The following GIN1 variants were observed in gnomAD, a reference collection of about 807,000 sequenced individuals.
GIN1 encodes the protein gypsy retrotransposon integrase 1.
A neutral mutation model predicts 51.4 loss-of-function variants in GIN1; 41 were observed. The ratio of observed to expected loss-of-function variants is 0.80; its 90% CI spans 0.62 to 1.04. GIN1 has a LOEUF of 1.04. Ranked by LOEUF, GIN1 falls within the 50% of genes least tolerant of loss-of-function variation. The pLI is 0.00. For missense variants in GIN1, 610 were observed against 612.4 expected (o/e 1.00, Z 0.04); for synonymous variants, 222 against 206.5 (o/e 1.07, Z -0.64).
intron 7 of GIN1, among the ~76,000 whole-genome samples, chr5:103,091,518 C>T (rs1787236905): frequency 6.6e-6 from 1 of 152,120 alleles, no homozygotes; most frequent in South Asian, 2.1e-4. Flanking sequence ...TTTTCTCATT[C>T]CATTAATTTA....
chr5:103,102,841 C>T (rs1010199851), intron 4 of GIN1: 4 of 151,806 alleles, frequency 2.6e-5, no homozygotes, highest in Non-Finnish European at 5.9e-5. Context: ...GACGGTGCCA[C>T]AGCACTCCAG....
Position 103,107,208 on chromosome 5 carries a change from T to C in GIN1, c.140-299A>G, listed in dbSNP as rs537442291. On this transcript the variant is annotated intron_variant, in intron 2 of 7. Coordinates refer to ENST00000399004, the MANE Select transcript of GIN1 (RefSeq NM_017676.2). ...GTACGGAAATATGAAATTATCTCTC[T>C]CTGGGAGTACTCAAAGTAGGAAGAT... 1.9e-4 allele frequency among the ~76,000 whole-genome samples: 29 copies of C among 152,144 alleles called. No homozygotes were observed. In the South Asian group the frequency reaches 6.0e-3, roughly 32 times the overall value.
intron 7 of GIN1, among the ~76,000 whole-genome samples, chr5:103,089,929 G>A (rs542484546): frequency 1.3e-5 from 2 of 152,204 alleles, no homozygotes; most frequent in African/African-American, 4.8e-5. Context: ...GATGGCATAA[G>A]TGGGCTTGGG....
chr5:103,089,172 G>A (rs1787166125), intron 7 of GIN1, among the ~76,000 whole-genome samples: 1 of 152,112 alleles, frequency 6.6e-6, no homozygotes, highest in Non-Finnish European at 1.5e-5. Context: ...CCTGGTCAGT[G>A]TTTTATTGTA....
intron 7 of GIN1, 129 bp downstream of exon 7, chr5:103,096,412 A>G: frequency 1.4e-6 from 1 of 730,240 alleles, no homozygotes; most frequent in Non-Finnish European, 2.3e-6. Context: ...TGGGATAGCT[A>G]AAACTGTAAC....
In GIN1 at chr5:103,106,771, G is replaced by T. The variant is rs969998277; in HGVS notation, c.278C>A (p.Thr93Asn). Residue 93 changes from threonine (T) to asparagine (N), a missense_variant, in exon 3 of 8, where the codon ACT (threonine) becomes AAT (asparagine). Transcript: ENST00000399004. The part of the protein sequence containing the change: ...GAHHGISRTL[T>N]LVESNYYWTS... ...CCAATAATAATTGGATTCTACCAGAGTGAGGGTCCTGGATATACCATGATG... is the reference window on the plus strand; with the variant it reads ...CCAATAATAATTGGATTCTACCAGATTGAGGGTCCTGGATATACCATGATG... The T allele has an allele frequency of 9.4e-6, 15 of 1,603,952 alleles. No individual in the cohort carries two copies. In the African/African-American group the frequency reaches 1.9e-4, roughly 20 times the overall value.
intron 1 of GIN1, among the ~76,000 whole-genome samples, chr5:103,110,797 T>A (rs549137251): frequency 1.3e-5 from 2 of 152,334 alleles, no homozygotes; most frequent in South Asian, 4.1e-4. Context: ...TATTTTATAG[T>A]CATAATAGCC....
intron 7 of GIN1, among the ~76,000 whole-genome samples, chr5:103,090,136 T>C (rs1554194370): frequency 6.6e-6 from 1 of 151,968 alleles, no homozygotes; most frequent in Non-Finnish European, 1.5e-5. Context: ...TAAAAATACA[T>C]AAATTAGTCA....
rs1554195327 is a variant in GIN1 at position 103,097,829 on chromosome 5, T to C, written c.640-48A>G. On this transcript the variant is annotated intron_variant, in intron 4 of 7. Coordinates refer to ENST00000399004, the MANE Select transcript of GIN1 (RefSeq NM_017676.2). ...GTGGCTTTTTAAAATTTGTGTTTTA[T>C]TTTTCCATTGACTTAAAAAAAAGCT... 9.1e-6 allele frequency: 7 copies of C among 768,764 alleles called. No homozygotes were observed. The South Asian group carries it at 1.3e-4, about 14-fold the overall frequency. 47.6% of individuals were successfully genotyped at this position (768,764 alleles called of 1,614,324 possible).
rs1562339569 is a variant in GIN1, at chr5:103,118,441, G to GA, written c.-8+1622dup. Among the ~76,000 whole-genome samples, 3 of 152,012 alleles carry GA rather than the reference G, an allele frequency of 2.0e-5. No homozygotes were observed. The South Asian group carries it at 6.2e-4, about 32-fold the overall frequency. On this transcript the variant is annotated intron_variant, in intron 1 of 7. Transcript: ENST00000399004. ...CTTTTCCCAAAATCTTCACCTACATGAAAAAATATTTTAAAATCTCTTTCC... is the reference window on the plus strand; with the variant it reads ...CTTTTCCCAAAATCTTCACCTACATGAAAAAAATATTTTAAAATCTCTTTCC...
chr5:103,109,137 T>C (rs1455956732), intron 1 of GIN1, among the ~76,000 whole-genome samples: 5 of 152,168 alleles, frequency 3.3e-5, no homozygotes, highest in African/African-American at 1.2e-4. Context: ...TTTATATTAT[T>C]TCTAAATATA....
At chr5:103,094,168 A>G (rs1787330453) in intron 7 of GIN1, among the ~76,000 whole-genome samples, 1 of 152,146 alleles carries the variant, frequency 6.6e-6, no homozygotes, top group African/African-American at 2.4e-5. Flanking sequence ...TTTCAAATCA[A>G]CTTGTGAGGT....
At chr5:103,105,072 CA>C (rs1554196162) in intron 3 of GIN1, among the ~76,000 whole-genome samples, 2 of 151,388 alleles carry the variant, frequency 1.3e-5, no homozygotes, top group Admixed American at 6.6e-5. Flanking sequence ...CCTCAAACAA[CA>C]TGGGTTTGGA....
chr5:103,096,825 A>G lies in GIN1; in HGVS notation c.1010T>C (p.Met337Thr). The change falls in exon 7 of 8, where the codon ATG (methionine) becomes ACG (threonine). Residue 337 changes from methionine to threonine, a missense_variant and splice_region_variant. Physicochemically the swap from Met to Thr is moderately conservative, Grantham distance 81 (BLOSUM62 -1). Transcript: ENST00000399004. ...MENKTTSLGQ[M>T]ENNNLDELNK... The stretch of plus-strand genomic sequence containing the variant: ...TAGTTCATCCAAATTGTTGTTCTCC[A>G]TCTACAAGTGTAAAAAGAAAAAGAA... The G allele has an allele frequency of 6.4e-7, 1 of 1,570,050 alleles. No individual in the cohort carries two copies. The highest frequency in any genetic ancestry group is 8.7e-7 in the Non-Finnish European group (1 of 1,144,000).
rs1554196595 is a variant in GIN1 at position 103,108,577 on chromosome 5, A to G, written c.131T>C (p.Val44Ala). The G allele has an allele frequency of 5.0e-6, 8 of 1,597,402 alleles. No individual in the cohort carries two copies. Among genetic ancestry groups the G allele is most frequent in the Non-Finnish European group, 6.8e-6 (8 of 1,168,044 alleles). The change falls in exon 2 of 8, where the codon GTC becomes GCC. Residue 44 changes from valine to alanine, a missense_variant. Transcript: ENST00000399004. ...TTGAACATTAATTTTACCTTTGAAG[A>G]CAAATTTTTTTGCTGCTCTTCTTAT... ...SGIRRAAKKF[V>A]FKEKKLFYVG...
rs1787116631 is a variant in GIN1 at position 103,087,828 on chromosome 5, T to C, written c.*70A>G. 1.5e-6 allele frequency: 1 copy of C among 657,374 alleles called. No homozygotes were observed. Among genetic ancestry groups the C allele is most frequent in the South Asian group, 2.2e-5 (1 of 45,788 alleles). 40.7% of individuals were successfully genotyped at this position (657,374 alleles called of 1,614,324 possible). ...GTCAAGATACTTCTTCTATACAACG[T>C]TTTTAATGAATAAGATATCATTAAG... On this transcript the variant is annotated 3_prime_UTR_variant, in exon 8 of 8. Transcript: ENST00000399004.
chr5:103,090,540 T>C (rs1554194420), intron 7 of GIN1, among the ~76,000 whole-genome samples: 6 of 152,168 alleles, frequency 3.9e-5, no homozygotes, highest in Non-Finnish European at 7.4e-5. Context: ...GAGAATTCCA[T>C]AGGTTCAAGG....
chr5:103,097,843 TAAAA>T (rs782210949), intron 4 of GIN1, 62 bp from the exon 5 acceptor site: 3 of 700,020 alleles, frequency 4.3e-6, no homozygotes, highest in South Asian at 2.0e-5. Flanking sequence ...TCCATTGACT[TAAAA>T]AAAAGCTTCA....
intron 1 of GIN1, among the ~76,000 whole-genome samples, chr5:103,117,485 G>T (rs1788068630): frequency 6.6e-6 from 1 of 150,958 alleles, no homozygotes. Context: ...ACCTGATATA[G>T]GTCATTTGAT....
Sources: gnomAD v4.1 joint callset for allele counts (sites outside exome capture counted in the v4.1 genomes callset) on GRCh38, gnomAD v4.1.1 for gene constraint, MANE v1.5 for transcripts, NCBI Gene and HGNC (gene_info 2026-07-23, HGNC 2026-07-21) for gene names.